The following SNTB2 variants were observed in gnomAD, a reference collection of about 807,000 sequenced individuals.
The protein encoded by SNTB2 is beta-2-syntrophin.
In SNTB2, 34 loss-of-function variants were observed where a neutral mutation model predicts 46.2. That is an observed-to-expected ratio of 0.74 (90% CI 0.56 to 0.98). The LOEUF (loss-of-function observed/expected upper bound fraction) is 0.98. Among genes scored for constraint, SNTB2 ranks in the 50% least tolerant of loss-of-function variants. The pLI is 0.00. For missense variants in SNTB2, 603 were observed against 731.4 expected, an observed-to-expected ratio of 0.82 and a Z score of 2.02; for synonymous variants, 290 against 312.6, an observed-to-expected ratio of 0.93 and a Z score of 0.76.
chr16:69,290,739 T>C (rs2143177605), intron 5 of SNTB2, among the ~76,000 whole-genome samples: 1 of 152,308 alleles, frequency 6.6e-6, no homozygotes, highest in East Asian at 1.9e-4. Context: ...AAGGCATAAA[T>C]GAAATACAGG....
intron 1 of SNTB2, among the ~76,000 whole-genome samples, chr16:69,201,820 T>G (rs748824312): frequency 3.3e-5 from 5 of 152,112 alleles, no homozygotes; most frequent in Admixed American, 1.3e-4. Flanking sequence ...TTCAATAGTA[T>G]TATTATTATT....
chr16:69,239,732 G>T (rs1243625890), intron 1 of SNTB2, among the ~76,000 whole-genome samples: 1 of 151,872 alleles, frequency 6.6e-6, no homozygotes, highest in Admixed American at 6.6e-5. Context: ...TTTAGCAGAG[G>T]TGGGGTTTCA....
intron 4 of SNTB2, among the ~76,000 whole-genome samples, chr16:69,271,449 G>C (rs143504184): frequency 1.3e-5 from 2 of 152,188 alleles, no homozygotes; most frequent in East Asian, 3.9e-4. Flanking sequence ...TAACCTCCTT[G>C]CAGTCAAGAA....
At chr16:69,238,484 A>C (rs1438985594) in intron 1 of SNTB2, among the ~76,000 whole-genome samples, 1 of 152,150 alleles carries the variant, frequency 6.6e-6, no homozygotes, top group East Asian at 1.9e-4. Context: ...ATCCTGACTG[A>C]TACAGTGATC....
chr16:69,264,455 G>A (rs1964866518), intron 3 of SNTB2, among the ~76,000 whole-genome samples: 1 of 152,176 alleles, frequency 6.6e-6, no homozygotes, highest in African/African-American at 2.4e-5. Flanking sequence ...GAAGAGTAAA[G>A]AGGTTGCATT....
chr16:69,245,187 T>TTTTG (rs537558869), intron 1 of SNTB2, among the ~76,000 whole-genome samples: 23 of 152,024 alleles, frequency 1.5e-4, no homozygotes, highest in East Asian at 1.9e-4. Flanking sequence ...TTCCCCCATT[T>TTTTG]TTTGTTTGTT....
Position 69,302,309 on chromosome 16 carries a change from TA to T in SNTB2, c.*1389del, listed in dbSNP as rs1260912846. On this transcript the variant is annotated 3_prime_UTR_variant, in exon 7 of 7. Coordinates refer to ENST00000336278, the MANE Select transcript of SNTB2 (RefSeq NM_006750.4). ...AAGGTGGTATATATCTGCAAACATT[TA>T]AAATGGTATAATATCATATAAAATG... The T allele has an allele frequency of 6.6e-6, 1 of 152,172 alleles. No individual in the cohort carries two copies. The highest frequency in any genetic ancestry group is 2.4e-5 in the African/African-American group (1 of 41,446). 9.4% of individuals were successfully genotyped at this position (152,172 alleles called of 1,614,324 possible).
At chr16:69,287,074 A>G (rs1965110752) in intron 5 of SNTB2, among the ~76,000 whole-genome samples, 1 of 152,202 alleles carries the variant, frequency 6.6e-6, no homozygotes, top group Admixed American at 6.5e-5. Flanking sequence ...TGTGCCCAAC[A>G]CTTACTCAAA....
At chr16:69,262,145 G>T (rs1008758806) in intron 3 of SNTB2, among the ~76,000 whole-genome samples, 2 of 152,178 alleles carry the variant, frequency 1.3e-5, no homozygotes, top group African/African-American at 4.8e-5. Context: ...GTATGTCCAG[G>T]TAGACCAGAT....
intron 1 of SNTB2, among the ~76,000 whole-genome samples, chr16:69,198,408 C>T (rs1398307911): frequency 6.6e-6 from 1 of 152,130 alleles, no homozygotes; most frequent in Non-Finnish European, 1.5e-5. Context: ...CATGCCTGGC[C>T]TATTTTTCAC....
chr16:69,302,399 C>T lies in SNTB2; in HGVS notation c.*1475C>T, dbSNP rs1056108799. On this transcript the variant is annotated 3_prime_UTR_variant, in exon 7 of 7. Transcript: ENST00000336278. ...AATATTGACTTGGATGTTCTTTATG[C>T]TCTCTGAAGAAAGGTCTAGGGAAAG... The T allele has an allele frequency of 6.6e-6, 1 of 152,162 alleles. No individual in the cohort carries two copies. The highest frequency in any genetic ancestry group is 1.5e-5 in the Non-Finnish European group (1 of 68,040). 9.4% of individuals were successfully genotyped at this position (152,162 alleles called of 1,614,324 possible). A position where few individuals can be genotyped will look rare whatever the true frequency, so the allele number is the denominator to read the frequency against.
At chr16:69,260,292 G>A (rs1964823099) in intron 3 of SNTB2, 32 bp downstream of exon 3, 1 of 1,601,128 alleles carries the variant, frequency 6.2e-7, no homozygotes, top group Non-Finnish European at 8.5e-7. Context: ...AGTATCACCT[G>A]GTTCCCATTC....
intron 4 of SNTB2, among the ~76,000 whole-genome samples, chr16:69,282,031 G>T (rs1965053739): frequency 6.7e-6 from 1 of 148,528 alleles, no homozygotes; most frequent in Admixed American, 6.7e-5. Flanking sequence ...TCAGCCTTCC[G>T]AGTAGCTGAG....
rs538146234 is a variant in SNTB2 at position 69,287,420 on chromosome 16, G to A, written c.1345+3176G>A. Among the ~76,000 whole-genome samples the A allele has an allele frequency of 4.6e-5, 7 of 151,740 alleles. No homozygotes were observed. The East Asian group carries it at 9.7e-4, about 21-fold the overall frequency. On this transcript the variant is annotated intron_variant, in intron 5 of 6. Transcript: ENST00000336278. ...CCCCATATCTACTAAAAATACAAAA[G>A]TTAGCCAGGAGTGGTGGCAGGCGCC... is the stretch of plus-strand genomic sequence containing the variant.
intron 1 of SNTB2, among the ~76,000 whole-genome samples, chr16:69,194,836 C>T (rs1224250037): frequency 1.3e-5 from 2 of 152,132 alleles, no homozygotes; most frequent in Non-Finnish European, 2.9e-5. Context: ...GGATGCTAGG[C>T]AGGCATAAAT....
intron 1 of SNTB2, among the ~76,000 whole-genome samples, chr16:69,239,610 G>T (rs560772817): frequency 1.5e-4 from 23 of 152,132 alleles, no homozygotes; most frequent in African/African-American, 5.5e-4. Flanking sequence ...GTGCAGTGGC[G>T]CAATCTCAGC....
At chr16:69,243,410 C>T (rs1284463016) in intron 1 of SNTB2, among the ~76,000 whole-genome samples, 2 of 152,122 alleles carry the variant, frequency 1.3e-5, no homozygotes, top group South Asian at 2.1e-4. Context: ...AAATTCATTG[C>T]TCTTTTAATA....
intron 1 of SNTB2, among the ~76,000 whole-genome samples, chr16:69,237,688 C>T (rs996907784): frequency 2.7e-5 from 4 of 149,530 alleles, no homozygotes; most frequent in South Asian, 2.1e-4. Context: ...CTGCAACCTC[C>T]GCCTCCCCGG....
chr16:69,243,377 CT>C (rs1964637111), intron 1 of SNTB2, among the ~76,000 whole-genome samples: 2 of 152,150 alleles, frequency 1.3e-5, no homozygotes, highest in African/African-American at 4.8e-5. Flanking sequence ...GGGGTATGGA[CT>C]GCATTGCCAT....
Sources: gnomAD v4.1 joint callset for allele counts (sites outside exome capture counted in the v4.1 genomes callset) on GRCh38, gnomAD v4.1.1 for gene constraint, MANE v1.5 for transcripts, NCBI Gene and HGNC (gene_info 2026-07-23, HGNC 2026-07-21) for gene names.